Variants in SLC26A9 observed in about 807,000 individuals in gnomAD.
SLC26A9 encodes the protein solute carrier family 26 member 9, also known as anion transporter/exchanger protein 9.
Under a neutral mutation model 87.1 loss-of-function variants are expected in SLC26A9, and 46 were observed. The observed-to-expected ratio is 0.53, with a 90% CI of 0.42 to 0.67. The LOEUF is 0.67. SLC26A9 is among the 30% of genes least tolerant of loss of function. SLC26A9 has a pLI of 0.00. For synonymous variants in SLC26A9, 437 were observed against 409.1 expected (o/e 1.07, Z -0.82); for missense variants, 927 against 1,018.3 (o/e 0.91, Z 1.22).
Position 205,921,553 on chromosome 1 carries a change from C to T in SLC26A9, c.2055+13G>A. 1 of 1,601,902 alleles carries T rather than the reference C, an allele frequency of 6.2e-7. No individual in the cohort carries two copies. Among genetic ancestry groups the T allele is most frequent in the East Asian group, 2.2e-5 (1 of 44,636 alleles). On this transcript the variant is annotated intron_variant, in intron 17 of 20. Coordinates refer to ENST00000367135, the MANE Select transcript of SLC26A9 (RefSeq NM_052934.4). ...GTGGAGTGGGTGGTGCTTGCTGTTC[C>T]CGAGGGCCTCACCTTGGCCAGGGCC...
intron 20 of SLC26A9, among the ~76,000 whole-genome samples, chr1:205,916,785 G>A (rs1274150526): frequency 6.6e-6 from 1 of 152,136 alleles, no homozygotes; most frequent in African/African-American, 2.4e-5. Context: ...CTCTCCCCAC[G>A]ATAACTTTCA....
At chr1:205,926,462 G>A (rs1175664131) in intron 12 of SLC26A9, 73 bp downstream of exon 12, 3 of 1,244,274 alleles carry the variant, frequency 2.4e-6, no homozygotes, top group Non-Finnish European at 2.4e-6. Flanking sequence ...TGTTAGGACA[G>A]GGCTGACAGG....
Position 205,914,682 on chromosome 1 carries a change from G to A in SLC26A9, c.*675C>T, listed in dbSNP as rs951310777. 3.4e-5 allele frequency: 19 copies of A among 565,990 alleles called. No homozygotes were observed. The highest frequency in any genetic ancestry group is 5.1e-5 in the Non-Finnish European group (17 of 333,168). 35.1% of individuals were successfully genotyped at this position (565,990 alleles called of 1,614,324 possible). A position where few individuals can be genotyped will look rare whatever the true frequency, so the allele number is the denominator to read the frequency against. ...GGGAGGTAGCTCTGGTGGTCTCGAC[G>A]GTCCTGGCCACTGTCCAGGCTAGAG... is the stretch of plus-strand genomic sequence containing the variant. On this transcript the variant is annotated 3_prime_UTR_variant, in exon 21 of 21. Transcript: ENST00000367135.
intron 13 of SLC26A9, 88 bp downstream of exon 13, chr1:205,924,295 G>C: frequency 7.8e-7 from 1 of 1,283,384 alleles, no homozygotes; most frequent in Non-Finnish European, 1.1e-6. Context: ...AGGTACAGTG[G>C]ACTAAGCCAG....
At chr1:205,940,173 G>A (rs925424707) in intron 1 of SLC26A9, among the ~76,000 whole-genome samples, 1 of 152,150 alleles carries the variant, frequency 6.6e-6, no homozygotes, top group African/African-American at 2.4e-5. Context: ...AGGAGAGTGG[G>A]TCAAATCTGG....
intron 2 of SLC26A9, 147 bp downstream of exon 2, chr1:205,935,549 A>T: frequency 7.8e-7 from 1 of 1,274,054 alleles, no homozygotes; most frequent in East Asian, 2.3e-5. Context: ...AGGTTGTAGG[A>T]TCTTAAATTC....
chr1:205,928,270 C>T (rs1659164839), intron 8 of SLC26A9: 3 of 598,382 alleles, frequency 5.0e-6, no homozygotes, highest in Non-Finnish European at 5.8e-6. Context: ...ACCTAACTTG[C>T]CCAAGGTCCC....
In SLC26A9 at chr1:205,931,851, C is replaced by T. The variant is rs551637806; in HGVS notation, c.552+9G>A. The T allele has an allele frequency of 6.2e-7, 1 of 1,609,960 alleles. No individual in the cohort carries two copies. The highest frequency in any genetic ancestry group is 1.7e-5 in the Admixed American group (1 of 59,842). On this transcript the variant is annotated intron_variant, in intron 5 of 20. Transcript: ENST00000367135. ...GCCCTTCTAGCAGGGTTGGGGGCTG[C>T]CCCCTCACCTGGATGATGGCGGTGA...
In SLC26A9 at chr1:205,923,654, T is replaced by C. The variant is rs12080362; in HGVS notation, c.1497-41A>G. ...AGAGAAAAACATAAGAGAATGCTAA[T>C]GGCACATGGGCCTGGAAGGGTGCCC... On this transcript the variant is annotated intron_variant, in intron 13 of 20. Transcript: ENST00000367135. 1,654 of 1,612,736 alleles carry C rather than the reference T, an allele frequency of 1.0e-3. 7 individuals are homozygous for C. The African/African-American group carries it at 0.015, about 15-fold the overall frequency.
chr1:205,924,338 C>T (rs751529296), intron 13 of SLC26A9, 45 bp downstream of exon 13: 51 of 1,588,004 alleles, frequency 3.2e-5, no homozygotes, highest in South Asian at 3.2e-4. Context: ...CGGGCTGGCC[C>T]AGGGAACCGA....
At chr1:205,931,212 T>C (rs1333303141) in intron 5 of SLC26A9, among the ~76,000 whole-genome samples, 1 of 152,176 alleles carries the variant, frequency 6.6e-6, no homozygotes, top group East Asian at 1.9e-4. Flanking sequence ...CAGAGGAGGC[T>C]GGAGAGGAGT....
At chr1:205,942,566 G>A (rs1659793517) in intron 1 of SLC26A9, among the ~76,000 whole-genome samples, 1 of 152,232 alleles carries the variant, frequency 6.6e-6, no homozygotes, top group Non-Finnish European at 1.5e-5. Context: ...GGCTGGTTTT[G>A]AGGAATGGGG....
chr1:205,931,827 C>T (rs774179638), intron 5 of SLC26A9, 33 bp downstream of exon 5: 1 of 1,594,322 alleles, frequency 6.3e-7, no homozygotes, highest in Non-Finnish European at 8.5e-7. Context: ...TGGTCTGATG[C>T]CCTTCTAGCA....
intron 1 of SLC26A9, among the ~76,000 whole-genome samples, chr1:205,941,483 T>C (rs1659742535): frequency 6.6e-6 from 1 of 152,130 alleles, no homozygotes; most frequent in South Asian, 2.1e-4. Context: ...CCAAGGCATT[T>C]TTAAACACTC....
chr1:205,929,743 C>A, intron 6 of SLC26A9, 149 bp downstream of exon 6: 1 of 1,085,588 alleles, frequency 9.2e-7, no homozygotes, highest in South Asian at 2.0e-5. Flanking sequence ...TTTGACCCTC[C>A]CAAGACAGAA....
chr1:205,935,945 C>T, intron 1 of SLC26A9, 107 bp from the exon 2 acceptor site: 1 of 1,319,586 alleles, frequency 7.6e-7, no homozygotes, highest in Non-Finnish European at 1.0e-6. Context: ...TTCTGGCCTT[C>T]CCCGCCCCGA....
At chr1:205,929,782 G>A in intron 6 of SLC26A9, 110 bp downstream of exon 6, 1 of 1,347,180 alleles carries the variant, frequency 7.4e-7, no homozygotes, top group Non-Finnish European at 9.9e-7. Flanking sequence ...CTGAACAACA[G>A]CTAAGCCAGC....
intron 12 of SLC26A9, among the ~76,000 whole-genome samples, 193 bp downstream of exon 12, chr1:205,926,342 G>A (rs1277336276): frequency 6.6e-6 from 1 of 152,218 alleles, no homozygotes; most frequent in Non-Finnish European, 1.5e-5. Context: ...TGGCCATGGA[G>A]CCAGCAGATG....
intron 2 of SLC26A9, among the ~76,000 whole-genome samples, chr1:205,935,403 C>A (rs535645003): frequency 6.6e-6 from 1 of 152,056 alleles, no homozygotes; most frequent in Non-Finnish European, 1.5e-5. Context: ...ATCTACCATG[C>A]CTTAACAAAC....
Sources: allele counts gnomAD v4.1 joint callset (sites outside exome capture counted in the v4.1 genomes callset), GRCh38; gene constraint gnomAD v4.1.1; transcripts MANE v1.5; gene names NCBI Gene and HGNC (gene_info 2026-07-23, HGNC 2026-07-21).